DCDC1: variants seen among roughly 807,000 people sequenced by gnomAD.
The protein encoded by DCDC1 is doublecortin domain-containing protein 1.
Under a neutral mutation model 178.3 loss-of-function variants are expected in DCDC1, and 200 were observed. That is an observed-to-expected ratio of 1.12 (90% confidence interval 1.00 to 1.26). DCDC1 has a LOEUF of 1.26. Among genes scored for constraint, DCDC1 ranks in the 50% most tolerant of loss-of-function variants. The probability of loss-of-function intolerance (pLI) is 0.00; values close to 1 mark genes in which losing one functional copy is unlikely to be tolerated. For synonymous variants in DCDC1, 690 were observed against 604.8 expected (o/e 1.14, Z -2.07); for missense variants, 1,983 against 1,749.2 (o/e 1.13, Z -2.38).
chr11:31,157,432 T>G (rs531612864), intron 9 of DCDC1, among the ~76,000 whole-genome samples: 1 of 140,694 alleles, frequency 7.1e-6, no homozygotes, highest in African/African-American at 2.6e-5. Flanking sequence ...CACATATATA[T>G]ACATACATAT....
chr11:30,928,338 C>T (rs1041678056), intron 22 of DCDC1, among the ~76,000 whole-genome samples: 19 of 151,506 alleles, frequency 1.3e-4, no homozygotes, highest in Non-Finnish European at 1.8e-4. Flanking sequence ...ACCACATAAA[C>T]TTTTTTACTT....
chr11:31,101,005 A>C (rs1033565346), intron 15 of DCDC1, among the ~76,000 whole-genome samples: 3 of 152,244 alleles, frequency 2.0e-5, no homozygotes, highest in Admixed American at 2.0e-4. Context: ...TTCTATTTTT[A>C]TAAGTACACT....
Position 31,115,837 on chromosome 11 carries a change from A to G in DCDC1, c.1486-5476T>C, listed in dbSNP as rs377451913. On this transcript the variant is annotated intron_variant, in intron 11 of 38. Transcript: ENST00000684477. The stretch of plus-strand genomic sequence containing the variant: ...GGGAAGGTACTTAAGGTTGTTCAGA[A>G]TTAAGAAAAGGGAGACATGCCTTTG... 4.6e-5 allele frequency among the ~76,000 whole-genome samples: 7 copies of G among 152,228 alleles called. No individual in the cohort carries two copies. In the East Asian group the frequency reaches 1.2e-3, roughly 25 times the overall value.
chr11:30,934,430 T>G (rs1415174999), intron 21 of DCDC1, among the ~76,000 whole-genome samples: 2 of 152,154 alleles, frequency 1.3e-5, no homozygotes, highest in African/African-American at 2.4e-5. Context: ...TATCACCAGC[T>G]TGGGGTATAT....
At chr11:31,014,938 C>T (rs1023562183) in intron 20 of DCDC1, among the ~76,000 whole-genome samples, 1 of 151,584 alleles carries the variant, frequency 6.6e-6, no homozygotes, top group South Asian at 2.1e-4. Flanking sequence ...AAGCATCTAA[C>T]ATTCTCCTTT....
Position 31,210,273 on chromosome 11 carries a change from C to T in DCDC1, c.1221+31177G>A, listed in dbSNP as rs11031313. Reference sequence around the variant, plus strand: ...AACCTTTTACATGGCTGAAGACATTCTATGTCACTGACTATCAATTGTTCC... The same window carrying T: ...AACCTTTTACATGGCTGAAGACATTTTATGTCACTGACTATCAATTGTTCC... On this transcript the variant is annotated intron_variant, in intron 9 of 38. Transcript: ENST00000684477. Among the ~76,000 whole-genome samples, 837 of 152,290 alleles carry T rather than the reference C, an allele frequency of 5.5e-3. 10 individuals carry two copies. Among genetic ancestry groups the T allele is most frequent in the African/African-American group, 0.019 (795 of 41,566 alleles).
Position 30,913,762 on chromosome 11 carries a change from G to A in DCDC1, c.3653+1749C>T, listed in dbSNP as rs568264237. Reference sequence around the variant, plus strand: ...CATCTCATAGAGTTTTAGGCAGACAGACACTGAGCAAGATTCAGAACTAGT... The same window carrying A: ...CATCTCATAGAGTTTTAGGCAGACAAACACTGAGCAAGATTCAGAACTAGT... On this transcript the variant is annotated intron_variant, in intron 27 of 38. Coordinates refer to ENST00000684477, the MANE Select transcript of DCDC1 (RefSeq NM_001387274.1). 1.4e-4 allele frequency among the ~76,000 whole-genome samples: 22 copies of A among 152,320 alleles called. No individual in the cohort carries two copies. In the South Asian group the frequency reaches 4.1e-3, roughly 29 times the overall value.
rs1173849616 is a variant in DCDC1, at chr11:31,241,833, T to C, written c.1055-217A>G. The stretch of plus-strand genomic sequence containing the variant: ...CCCCATGCAAGACTCATAAGCTTTG[T>C]GAGCACACCTGAATAGTTCTGAAGT... On this transcript the variant is annotated intron_variant, in intron 8 of 38. Coordinates refer to ENST00000684477, the MANE Select transcript of DCDC1 (RefSeq NM_001387274.1). 3.1e-5 allele frequency: 10 copies of C among 321,848 alleles called. No homozygotes were observed. In the East Asian group the frequency reaches 4.9e-4, roughly 16 times the overall value. The allele number at this position is 321,848 out of a possible 1,614,324, so 19.9% of individuals were successfully genotyped here.
At position 31,207,559 on chromosome 11, in the gene DCDC1, A is replaced by G. The variant is rs576432822; in HGVS notation, c.1221+33891T>C. Among the ~76,000 whole-genome samples, 27 of 152,304 alleles carry G rather than the reference A, an allele frequency of 1.8e-4. No individual in the cohort carries two copies. The South Asian group carries it at 5.6e-3, about 32-fold the overall frequency. On this transcript the variant is annotated intron_variant, in intron 9 of 38. Transcript: ENST00000684477. ...CACAAACTCCATCCTTTTCCCTGTT[A>G]CATCGGATGAACTGTCTATTCTCCT...
At chr11:31,249,039 A>C (rs1943776380) in intron 8 of DCDC1, among the ~76,000 whole-genome samples, 1 of 152,136 alleles carries the variant, frequency 6.6e-6, no homozygotes, top group African/African-American at 2.4e-5. Flanking sequence ...TTTTGGCTTT[A>C]GAGTTCTAAG....
At chr11:31,169,801 C>G (rs1966985443) in intron 9 of DCDC1, among the ~76,000 whole-genome samples, 1 of 152,070 alleles carries the variant, frequency 6.6e-6, no homozygotes, top group Admixed American at 6.5e-5. Context: ...CAAATCACTG[C>G]AAAAGTTTAT....
At chr11:31,154,281 T>C (rs1330916527) in intron 9 of DCDC1, among the ~76,000 whole-genome samples, 1 of 152,194 alleles carries the variant, frequency 6.6e-6, no homozygotes, top group East Asian at 1.9e-4. Flanking sequence ...GGTAGTTCTT[T>C]ATAGCAGTAT....
chr11:31,110,167 T>A, intron 12 of DCDC1, 93 bp downstream of exon 12: 1 of 612,588 alleles, frequency 1.6e-6, no homozygotes, highest in East Asian at 2.7e-5. Context: ...ACCATTGATC[T>A]TCTGCAAACA....
intron 9 of DCDC1, among the ~76,000 whole-genome samples, chr11:31,142,062 T>C (rs908198523): frequency 3.9e-5 from 6 of 152,190 alleles, no homozygotes; most frequent in Non-Finnish European, 7.4e-5. Context: ...GAGAGTCCTT[T>C]GTTTCTAGCC....
chr11:30,883,344 T>G, intron 36 of DCDC1: 1 of 250,092 alleles, frequency 4.0e-6, no homozygotes, highest in Non-Finnish European at 8.3e-6. Flanking sequence ...ACAAAGTGTA[T>G]GAGAGAGAAA....
At position 31,128,202 on chromosome 11, in the gene DCDC1, A is replaced by G. The variant is rs1046608094; in HGVS notation, c.1315-563T>C. 1.4e-4 allele frequency among the ~76,000 whole-genome samples: 21 copies of G among 152,196 alleles called. 1 individual carries two copies. Among genetic ancestry groups the G allele is most frequent in the African/African-American group, 4.6e-4 (19 of 41,558 alleles). On this transcript the variant is annotated intron_variant, in intron 10 of 38. Transcript: ENST00000684477. ...TCATAGATACAATTTTCTAAAATGT[A>G]TATAACTTCAAAGACAATGCTCTGT...
intron 8 of DCDC1, among the ~76,000 whole-genome samples, chr11:31,264,826 A>G (rs1401097224): frequency 6.6e-6 from 1 of 152,128 alleles, no homozygotes; most frequent in African/African-American, 2.4e-5. Context: ...GTTTGCTAAA[A>G]CCAATTGTTC....
chr11:31,293,292 T>C (rs1947364247), intron 6 of DCDC1, among the ~76,000 whole-genome samples: 1 of 151,836 alleles, frequency 6.6e-6, no homozygotes, highest in Non-Finnish European at 1.5e-5. Flanking sequence ...AGGGAATTGG[T>C]TATGTAAGTG....
At chr11:31,048,218 A>G (rs1436692708) in intron 20 of DCDC1, among the ~76,000 whole-genome samples, 2 of 152,214 alleles carry the variant, frequency 1.3e-5, no homozygotes, top group African/African-American at 2.4e-5. Flanking sequence ...TAAGTGCTCA[A>G]TGAGCATTTA....
Sources: allele counts gnomAD v4.1 joint callset (sites outside exome capture counted in the v4.1 genomes callset), GRCh38; gene constraint gnomAD v4.1.1; transcripts MANE v1.5; gene names NCBI Gene and HGNC (gene_info 2026-07-23, HGNC 2026-07-21).